Variants in SEMA3A observed in about 807,000 individuals in gnomAD.
SEMA3A encodes the protein semaphorin-3A.
In SEMA3A, 29 loss-of-function variants were observed where a neutral mutation model predicts 97.9. The observed-to-expected ratio is 0.30, with a 90% CI of 0.22 to 0.40. SEMA3A has a LOEUF of 0.40. SEMA3A is among the 10% of genes least tolerant of loss of function. The probability of loss-of-function intolerance (pLI) is 1.00; values close to 1 mark genes in which losing one functional copy is unlikely to be tolerated. For synonymous variants in SEMA3A, 321 were observed against 323.7 expected (o/e 0.99, Z 0.09); for missense variants, 763 against 951.3 (o/e 0.80, Z 2.60).
chr7:84,393,264 G>C (rs893393509), intron 1 of SEMA3A, among the ~76,000 whole-genome samples: 2 of 152,056 alleles, frequency 1.3e-5, no homozygotes, highest in Non-Finnish European at 2.9e-5. Context: ...CTTTGCATAA[G>C]GATATCCAGT....
At chr7:84,414,550 C>G (rs1022324043) in intron 1 of SEMA3A, among the ~76,000 whole-genome samples, 1 of 152,164 alleles carries the variant, frequency 6.6e-6, no homozygotes, top group Middle Eastern at 3.4e-3. Context: ...TAAGAAGACA[C>G]AAATGGTCAT....
chr7:84,331,087 A>G (rs1423501870), intron 2 of SEMA3A, among the ~76,000 whole-genome samples: 1 of 152,158 alleles, frequency 6.6e-6, no homozygotes, highest in East Asian at 1.9e-4. Flanking sequence ...AATAGTCAAT[A>G]CCTGTGACAG....
chr7:84,411,320 A>G (rs1352516875), intron 1 of SEMA3A, among the ~76,000 whole-genome samples: 2 of 152,124 alleles, frequency 1.3e-5, no homozygotes, highest in East Asian at 3.9e-4. Context: ...AAGCACAGTC[A>G]TTGGAGCATA....
intron 1 of SEMA3A, among the ~76,000 whole-genome samples, chr7:84,173,863 T>C (rs1387842808): frequency 6.6e-6 from 1 of 152,078 alleles, no homozygotes; most frequent in Non-Finnish European, 1.5e-5. Flanking sequence ...ACGGGGGCAT[T>C]AGATTGTCAC....
chr7:84,086,547 CAT>C (rs1025525396), intron 4 of SEMA3A, among the ~76,000 whole-genome samples: 2 of 51,110 alleles, frequency 3.9e-5, no homozygotes, highest in Non-Finnish European at 1.3e-4. Flanking sequence ...ATTATATTTA[CAT>C]ATAATATATT....
At chr7:84,403,156 G>A (rs1269018049) in intron 1 of SEMA3A, among the ~76,000 whole-genome samples, 2 of 152,096 alleles carry the variant, frequency 1.3e-5, no homozygotes, top group Non-Finnish European at 2.9e-5. Context: ...GTCAAAGAAA[G>A]GGGTGACAGA....
chr7:84,245,682 G>C (rs1799461200), intron 3 of SEMA3A, among the ~76,000 whole-genome samples: 1 of 151,936 alleles, frequency 6.6e-6, no homozygotes, highest in Non-Finnish European at 1.5e-5. Context: ...CACCAGTGGA[G>C]GCTGCAGAAC....
chr7:84,352,831 A>T (rs13233965), intron 2 of SEMA3A, among the ~76,000 whole-genome samples: 7,471 of 151,986 alleles, frequency 0.049, 270 homozygotes, highest in Non-Finnish European at 0.079. Flanking sequence ...TCAGTTATTA[A>T]TCATTCATTA....
chr7:84,064,233 A>C (rs1006538540), intron 4 of SEMA3A, among the ~76,000 whole-genome samples: 4 of 152,054 alleles, frequency 2.6e-5, no homozygotes, highest in Admixed American at 1.3e-4. Context: ...AGATTTTGTC[A>C]CCACCAGGCC....
intron 9 of SEMA3A, among the ~76,000 whole-genome samples, chr7:84,010,149 G>A (rs3801603): frequency 0.35 from 53,509 of 151,376 alleles, 12,088 homozygotes; most frequent in African/African-American, 0.65. Flanking sequence ...GAGCCTCAGG[G>A]AAAAAAAAGT....
At chr7:84,318,317 G>GTTTTTTT (rs71522699) in intron 2 of SEMA3A, among the ~76,000 whole-genome samples, 10 of 97,798 alleles carry the variant, frequency 1.0e-4, no homozygotes, top group Non-Finnish European at 1.2e-4. Context: ...TGATTTCTTG[G>GTTTTTTT]TTTTTTTTTT....
intron 1 of SEMA3A, among the ~76,000 whole-genome samples, chr7:84,178,682 A>G: frequency 6.6e-6 from 1 of 152,100 alleles, no homozygotes. Context: ...TTGCAATTTT[A>G]TAAATTATTT....
intron 12 of SEMA3A, among the ~76,000 whole-genome samples, chr7:83,992,214 TC>T (rs1242045927): frequency 2.0e-5 from 3 of 151,494 alleles, no homozygotes; most frequent in Admixed American, 2.0e-4. Flanking sequence ...TCTCTTTTTT[TC>T]TTTATTAGTC....
intron 2 of SEMA3A, among the ~76,000 whole-genome samples, chr7:84,356,299 CTAAT>C (rs1562916902): frequency 6.6e-6 from 1 of 151,454 alleles, no homozygotes; most frequent in African/African-American, 2.4e-5. Flanking sequence ...GTTATGACAG[CTAAT>C]TATTTATTAT....
At chr7:84,345,914 C>G (rs1009671295) in intron 2 of SEMA3A, among the ~76,000 whole-genome samples, 1 of 152,196 alleles carries the variant, frequency 6.6e-6, no homozygotes, top group Non-Finnish European at 1.5e-5. Context: ...CTAAGCCAGG[C>G]ATCGACATTT....
chr7:84,101,560 G>T (rs147510406), intron 4 of SEMA3A, among the ~76,000 whole-genome samples: 3 of 152,260 alleles, frequency 2.0e-5, no homozygotes, highest in Non-Finnish European at 4.4e-5. Flanking sequence ...TGTCAGGTTT[G>T]CTGGGTTATA....
At chr7:84,478,970 T>C (rs950466099) in intron 1 of SEMA3A, among the ~76,000 whole-genome samples, 1 of 152,174 alleles carries the variant, frequency 6.6e-6, no homozygotes, top group African/African-American at 2.4e-5. Context: ...CTAGTCCTTC[T>C]CTTGTCAAAT....
intron 1 of SEMA3A, among the ~76,000 whole-genome samples, chr7:84,150,018 G>A (rs1490826126): frequency 1.3e-5 from 2 of 152,152 alleles, no homozygotes; most frequent in Admixed American, 6.5e-5. Flanking sequence ...CATGTAAAGA[G>A]TTTAAAAATG....
intron 3 of SEMA3A, among the ~76,000 whole-genome samples, chr7:84,232,735 C>T (rs1190923641): frequency 2.6e-5 from 4 of 151,876 alleles, no homozygotes; most frequent in African/African-American, 9.7e-5. Context: ...TATTTTCATT[C>T]ATTTTCTTGA....
Sources: gnomAD v4.1 joint callset for allele counts (sites outside exome capture counted in the v4.1 genomes callset) on GRCh38, gnomAD v4.1.1 for gene constraint, MANE v1.5 for transcripts, NCBI Gene and HGNC (gene_info 2026-07-23, HGNC 2026-07-21) for gene names.